SLC6A11: variants seen among roughly 807,000 people sequenced by gnomAD.
The protein encoded by SLC6A11 is solute carrier family 6 member 11.
SLC6A11 carries 25 observed loss-of-function variants against 74.8 expected under a neutral mutation model. The observed-to-expected ratio is 0.33, with a 90% CI of 0.24 to 0.47. The LOEUF (loss-of-function observed/expected upper bound fraction) is 0.47. Ranked by LOEUF, SLC6A11 falls within the 20% of genes least tolerant of loss-of-function variation. SLC6A11 has a pLI of 1.00. For synonymous variants in SLC6A11, 330 were observed against 330.2 expected, an observed-to-expected ratio of 1.00 and a Z score of 0.01; for missense variants, 574 against 837.0, an observed-to-expected ratio of 0.69 and a Z score of 3.88.
chr3:10,882,976 G>T (rs567478039), intron 6 of SLC6A11, among the ~76,000 whole-genome samples: 1 of 152,170 alleles, frequency 6.6e-6, no homozygotes, highest in African/African-American at 2.4e-5. Flanking sequence ...CTGGAACACC[G>T]GTGGCAGTCC....
intron 9 of SLC6A11, 52 bp from the exon 10 acceptor site, chr3:10,929,150 A>T (rs1695649007): frequency 1.3e-6 from 2 of 1,599,302 alleles, no homozygotes; most frequent in Admixed American, 3.4e-5. Flanking sequence ...AGCCTGGGCC[A>T]CCAGGAGCAG....
At chr3:10,820,935 G>A (rs1039277225) in intron 3 of SLC6A11, among the ~76,000 whole-genome samples, 2 of 152,174 alleles carry the variant, frequency 1.3e-5, no homozygotes, top group Non-Finnish European at 1.5e-5. Context: ...GTAAGATCGG[G>A]TAGGATGTTG....
intron 9 of SLC6A11, among the ~76,000 whole-genome samples, chr3:10,927,782 C>G (rs1253974498): frequency 6.6e-6 from 1 of 152,214 alleles, no homozygotes; most frequent in Non-Finnish European, 1.5e-5. Context: ...GCCTCATTCC[C>G]TTTGTCTGCA....
chr3:10,840,711 A>G (rs967600935), intron 4 of SLC6A11, among the ~76,000 whole-genome samples: 1 of 152,216 alleles, frequency 6.6e-6, no homozygotes, highest in Non-Finnish European at 1.5e-5. Flanking sequence ...GGAGGAATCA[A>G]GGCTGAAAGT....
chr3:10,829,308 G>C (rs1694260648), intron 4 of SLC6A11, among the ~76,000 whole-genome samples: 1 of 152,192 alleles, frequency 6.6e-6, no homozygotes, highest in African/African-American at 2.4e-5. Context: ...GTTAGTTCTG[G>C]CTACTGGAGG....
chr3:10,872,933 G>T (rs1694843790), intron 5 of SLC6A11, among the ~76,000 whole-genome samples: 1 of 152,162 alleles, frequency 6.6e-6, no homozygotes, highest in Non-Finnish European at 1.5e-5. Context: ...AGTGTCCCTG[G>T]ACCCCAAATG....
At chr3:10,850,834 CTGGTGGGGAG>C (rs1196498843) in intron 5 of SLC6A11, among the ~76,000 whole-genome samples, 1 of 152,086 alleles carries the variant, frequency 6.6e-6, no homozygotes, top group African/African-American at 2.4e-5. Flanking sequence ...TGTGAATGGA[CTGGTGGGGAG>C]TGGTGGGGCT....
chr3:10,926,708 G>T lies in SLC6A11; in HGVS notation c.1233+592G>T, dbSNP rs1695613147. On this transcript the variant is annotated intron_variant, in intron 9 of 13. Transcript: ENST00000254488. The surrounding 1 kb of genome is among the most constrained non-coding windows in gnomAD (Gnocchi z 5.7). Reference sequence around the variant, plus strand: ...TTCCCTGGCGAAGGGGGTAGACCTGGAGCTAGTAACTCACCCATGCACTCG... The same window carrying T: ...TTCCCTGGCGAAGGGGGTAGACCTGTAGCTAGTAACTCACCCATGCACTCG... 6.6e-6 allele frequency among the ~76,000 whole-genome samples: 1 copy of T among 152,080 alleles called. No individual in the cohort carries two copies. The highest frequency in any genetic ancestry group is 2.1e-4 in the South Asian group (1 of 4,812).
intron 5 of SLC6A11, among the ~76,000 whole-genome samples, chr3:10,872,676 T>G (rs1443161894): frequency 1.3e-5 from 2 of 152,148 alleles, no homozygotes; most frequent in Non-Finnish European, 2.9e-5. Flanking sequence ...CATGAGAGTG[T>G]TTGAGTGAGT....
chr3:10,871,319 T>C (rs892977746), intron 5 of SLC6A11, among the ~76,000 whole-genome samples: 3 of 152,222 alleles, frequency 2.0e-5, no homozygotes, highest in Non-Finnish European at 4.4e-5. Flanking sequence ...GTTGTTCTTA[T>C]GTTTTACATG....
At chr3:10,882,346 A>G (rs1248069870) in intron 6 of SLC6A11, among the ~76,000 whole-genome samples, 1 of 152,148 alleles carries the variant, frequency 6.6e-6, no homozygotes, top group Non-Finnish European at 1.5e-5. Context: ...GTGCAGTCAC[A>G]ATGAAGGTCC....
intron 4 of SLC6A11, 95 bp from the exon 5 acceptor site, chr3:10,844,119 G>T (rs1170104405): frequency 1.4e-6 from 2 of 1,477,304 alleles, no homozygotes; most frequent in African/African-American, 1.4e-5. Context: ...GTGGGTGAAT[G>T]AGCACATGGG....
intron 5 of SLC6A11, 56 bp downstream of exon 5, chr3:10,844,402 G>C: frequency 1.9e-6 from 3 of 1,608,808 alleles, no homozygotes; most frequent in Non-Finnish European, 2.6e-6. Flanking sequence ...CGAGCTCACA[G>C]ATGACCTAGA....
At chr3:10,928,086 T>A (rs1458499671) in intron 9 of SLC6A11, among the ~76,000 whole-genome samples, 5 of 152,102 alleles carry the variant, frequency 3.3e-5, no homozygotes, top group African/African-American at 1.2e-4. Context: ...GGAATAATAA[T>A]AGTACAGACC....
At chr3:10,905,562 A>G (rs1695292087) in intron 6 of SLC6A11, among the ~76,000 whole-genome samples, 1 of 152,256 alleles carries the variant, frequency 6.6e-6, no homozygotes, top group African/African-American at 2.4e-5. Context: ...ATTGTTTAAT[A>G]CAGAGTAACC....
chr3:10,876,922 G>T (rs928761135), intron 6 of SLC6A11, among the ~76,000 whole-genome samples: 1 of 152,060 alleles, frequency 6.6e-6, no homozygotes, highest in African/African-American at 2.4e-5. Context: ...TTGGGACTTG[G>T]GTTCTCCTGG....
intron 4 of SLC6A11, among the ~76,000 whole-genome samples, chr3:10,842,204 C>T (rs1575672623): frequency 6.6e-6 from 1 of 152,198 alleles, no homozygotes; most frequent in East Asian, 1.9e-4. Context: ...CTCCCTCAAA[C>T]CCCTCTCCTC....
intron 8 of SLC6A11, among the ~76,000 whole-genome samples, chr3:10,920,309 A>G (rs1695519493): frequency 6.7e-6 from 1 of 148,484 alleles, no homozygotes; most frequent in Non-Finnish European, 1.5e-5. Context: ...TTAACAGAAG[A>G]AAAAAAAATT....
chr3:10,853,515 C>T (rs996764573), intron 5 of SLC6A11, among the ~76,000 whole-genome samples: 8 of 152,062 alleles, frequency 5.3e-5, no homozygotes, highest in Non-Finnish European at 8.8e-5. Context: ...CAAGCAGCGG[C>T]GCAAAACCAG....
Sources: allele counts gnomAD v4.1 joint callset (sites outside exome capture counted in the v4.1 genomes callset), GRCh38; gene constraint gnomAD v4.1.1; non-coding constraint Gnocchi (gnomAD v3.1); transcripts MANE v1.5; gene names NCBI Gene and HGNC (gene_info 2026-07-23, HGNC 2026-07-21).